TCN1: variants seen among roughly 807,000 people sequenced by gnomAD.
TCN1 encodes the protein transcobalamin-1.
In TCN1, 47 loss-of-function variants were observed where a neutral mutation model predicts 46.3. That is an observed-to-expected ratio of 1.01 (90% CI 0.80 to 1.29). The LOEUF (loss-of-function observed/expected upper bound fraction) is 1.29, where lower values mean the gene tolerates loss of function less well. TCN1 is among the 50% of genes most tolerant of loss of function. The pLI, the probability that TCN1 is intolerant of heterozygous loss-of-function variation, is 0.00. For synonymous variants in TCN1, 183 were observed against 192.5 expected, an observed-to-expected ratio of 0.95 and a Z score of 0.41; for missense variants, 532 against 511.0, an observed-to-expected ratio of 1.04 and a Z score of -0.40.
intron 6 of TCN1, among the ~76,000 whole-genome samples, 189 bp from the exon 7 acceptor site, chr11:59,855,024 C>T (rs151106563): frequency 9.5e-4 from 145 of 152,304 alleles, no homozygotes; most frequent in African/African-American, 3.5e-3. Flanking sequence ...AAGACCCAAA[C>T]TCACCAGCTT....
At chr11:59,859,326 G>T in intron 4 of TCN1, 59 bp from the exon 5 acceptor site, 24 of 1,587,328 alleles carry the variant, frequency 1.5e-5, no homozygotes, top group Non-Finnish European at 2.1e-5. Flanking sequence ...GTCCTGGGCC[G>T]AGAGGTTTCC....
At position 59,862,698 on chromosome 11, in the gene TCN1, A is replaced by G. The variant is rs1249001180; in HGVS notation, c.284T>C (p.Leu95Pro). ...SRLSDVSSGE[L>P]ALIILALGVC... ...TCCCAAAGCCAGTATAATCAAGGCA[A>G]GCTCTCCCGAGCTTACATCTGACAC... is the stretch of plus-strand genomic sequence containing the variant. The change falls in exon 3 of 9, where the codon CTT becomes CCT. Residue 95 changes from leucine (L) to proline (P), a missense_variant. Physicochemically the swap from Leu to Pro is moderately conservative, Grantham distance 98. Transcript: ENST00000257264. The G allele has an allele frequency of 1.9e-6, 3 of 1,613,752 alleles. No homozygotes were observed. The highest frequency in any genetic ancestry group is 2.5e-6 in the Non-Finnish European group (3 of 1,179,826).
rs772525551 is a variant in TCN1 at position 59,854,768 on chromosome 11, G to A, written c.1005C>T (p.Ser335=). 97 of 1,613,868 alleles carry A rather than the reference G, an allele frequency of 6.0e-5. No homozygotes were observed. Among genetic ancestry groups the A allele is most frequent in the Non-Finnish European group, 7.7e-5 (91 of 1,179,926 alleles). The change falls in exon 7 of 9, where the codon TCC becomes TCT. Residue 335 remains serine, a synonymous_variant. Coordinates refer to ENST00000257264, the MANE Select transcript of TCN1 (RefSeq NM_001062.4). The stretch of plus-strand genomic sequence containing the variant: ...CATTGATTCTCACAGAGTAATTGAC[G>A]GAGATATATGATTGTGAGTCAGGAG... The part of the protein sequence containing the change: ...VTPPDSQSYI[S]VNYSVRINET...
chr11:59,853,248 T>C lies in TCN1; in HGVS notation c.1195A>G (p.Arg399Gly). 1 of 1,614,164 alleles carries C rather than the reference T, an allele frequency of 6.2e-7. No homozygotes were observed. Among genetic ancestry groups the C allele is most frequent in the Non-Finnish European group, 8.5e-7 (1 of 1,180,020 alleles). ...IQGLCANNND[R>G]TYWELLSGGE... ...CCACTCAGAAGTTCCCAGTAGGTTC[T>C]GTCATTATTGTTGGCACATAGGCCC... The change falls in exon 8 of 9, where the codon AGA becomes GGA. Residue 399 changes from arginine to glycine, a missense_variant. Transcript: ENST00000257264.
At position 59,861,522 on chromosome 11, in the gene TCN1, C is replaced by T. The variant is rs755195459; in HGVS notation, c.556+5G>A. ...GTACCAAGGGAATTGGGCTTAGTAA[C>T]TCACCTACTGAGAACTGGCTACCAA... On this transcript the variant is annotated splice_donor_5th_base_variant and intron_variant, in intron 4 of 8. Coordinates refer to ENST00000257264, the MANE Select transcript of TCN1 (RefSeq NM_001062.4). The T allele has an allele frequency of 1.9e-6, 3 of 1,613,990 alleles. No homozygotes were observed. The East Asian group carries it at 6.7e-5, about 36-fold the overall frequency.
Position 59,862,740 on chromosome 11 carries a change from C to A in TCN1, c.260-18G>T. 6.2e-7 allele frequency: 1 copy of A among 1,612,640 alleles called. No homozygotes were observed. The highest frequency in any genetic ancestry group is 1.1e-5 in the South Asian group (1 of 91,040). Reference sequence around the variant, plus strand: ...ATCTGACACTGAAAAGAAAAGTATTCAAGCTTAATAAGGTACAGGCTTGTG... The same window carrying A: ...ATCTGACACTGAAAAGAAAAGTATTAAAGCTTAATAAGGTACAGGCTTGTG... On this transcript the variant is annotated intron_variant, in intron 2 of 8. Transcript: ENST00000257264.
rs763985816 is a variant in TCN1, at chr11:59,855,990, C to A, written c.816G>T (p.Val272=). 5.1e-6 allele frequency: 8 copies of A among 1,581,064 alleles called. No homozygotes were observed. The South Asian group carries it at 8.8e-5, about 17-fold the overall frequency. The change falls in exon 6 of 9, where the codon GTG becomes GTT. Residue 272 remains valine, a synonymous_variant. Transcript: ENST00000257264. ...DWNCQQTLNT[V]LTEISQGAFS... Reference sequence around the variant, plus strand: ...ATGCTCCTTGAGAAATTTCCGTGAGCACTGTATTCAGAGTTTGTTGGCAAT... The same window carrying A: ...ATGCTCCTTGAGAAATTTCCGTGAGAACTGTATTCAGAGTTTGTTGGCAAT...
In TCN1 at chr11:59,859,264, G is replaced by C. The variant is rs1240691380; in HGVS notation, c.560C>G (p.Thr187Ser). 2 of 1,613,386 alleles carry C rather than the reference G, an allele frequency of 1.2e-6. No individual in the cohort carries two copies. Among genetic ancestry groups the C allele is most frequent in the South Asian group, 1.1e-5 (1 of 91,084 alleles). The change falls in exon 5 of 9, where the codon ACT (threonine) becomes AGT (serine). Residue 187 changes from threonine to serine, a missense_variant. Thr to Ser is a moderately conservative substitution (Grantham distance 58). Coordinates refer to ENST00000257264, the MANE Select transcript of TCN1 (RefSeq NM_001062.4). ...YYFGSQFSVD[T>S]GAMAVLALTC... ...CAGAGCCAGGACAGCCATTGCACCA[G>C]TATCTGTCAGGAAACAAAACATTGT...
chr11:59,858,636 C>G (rs1488846671), intron 5 of TCN1, among the ~76,000 whole-genome samples: 1 of 152,092 alleles, frequency 6.6e-6, no homozygotes, highest in Non-Finnish European at 1.5e-5. Flanking sequence ...ATAGGAACCG[C>G]AGAATGTATA....
Position 59,862,645 on chromosome 11 carries a change from T to C in TCN1, c.337A>G (p.Ile113Val), listed in dbSNP as rs199557500. The change falls in exon 3 of 9, where the codon ATA becomes GTA. Residue 113 changes from isoleucine to valine, a missense_variant. Physicochemically the swap from Ile to Val is conservative, Grantham distance 29. Transcript: ENST00000257264. ...GVCRNAEENL[I>V]YDYHLIDKLE... is the part of the protein sequence containing the mutation. ...TTGTCGATCAGGTGGTAATCATATA[T>C]TAAGTTTTCCTCAGCGTTACGACAT... The C allele has an allele frequency of 3.5e-4, 559 of 1,613,672 alleles. 1 individual carries two copies. Among genetic ancestry groups the C allele is most frequent in the Non-Finnish European group, 4.6e-4 (543 of 1,179,846 alleles).
chr11:59,854,436 T>A, intron 7 of TCN1, among the ~76,000 whole-genome samples: 1 of 146,712 alleles, frequency 6.8e-6, no homozygotes, highest in East Asian at 1.9e-4. Flanking sequence ...GATTCATTAA[T>A]TTATTTAGCG....
chr11:59,862,445 A>G (rs1853025207), intron 3 of TCN1, 137 bp downstream of exon 3: 1 of 1,075,854 alleles, frequency 9.3e-7, no homozygotes, highest in Non-Finnish European at 1.4e-6. Context: ...TGAAAGAGAA[A>G]AAGGGAAGTG....
intron 5 of TCN1, among the ~76,000 whole-genome samples, chr11:59,856,549 G>A (rs1590865442): frequency 1.3e-5 from 2 of 151,872 alleles, no homozygotes; most frequent in Non-Finnish European, 2.9e-5. Context: ...GCCTTGGAGA[G>A]TAGGATAGAG....
intron 1 of TCN1, 107 bp downstream of exon 1, chr11:59,866,285 C>T (rs553406779): frequency 1.1e-5 from 13 of 1,191,378 alleles, no homozygotes; most frequent in South Asian, 2.5e-5. Context: ...CAACCACATA[C>T]GAAACTGGAA....
intron 3 of TCN1, 64 bp downstream of exon 3, chr11:59,862,518 A>G: frequency 3.8e-6 from 6 of 1,581,248 alleles, no homozygotes; most frequent in East Asian, 2.2e-5. Context: ...GAAACTTCAT[A>G]TAGTTTTGAA....
chr11:59,856,704 A>G (rs997909316), intron 5 of TCN1, among the ~76,000 whole-genome samples: 12 of 152,160 alleles, frequency 7.9e-5, no homozygotes, highest in Non-Finnish European at 1.8e-4. Flanking sequence ...GGAACATTGG[A>G]GGCAACTGTG....
Position 59,863,911 on chromosome 11 carries a change from G to T in TCN1, c.255C>A (p.Ser85Arg). Residue 85 changes from serine to arginine, a missense_variant, in exon 2 of 9, where the codon AGC becomes AGA. Physicochemically the swap from Ser to Arg is moderately radical, Grantham distance 110. Transcript: ENST00000257264. ...MIQQIKYNVK[S>R]RLSDVSSGEL... ...CCAGAATATACAGCAACTTACATCT[G>T]CTTTTCACATTGTATTTGATTTGTT... 6.2e-7 allele frequency: 1 copy of T among 1,613,698 alleles called. No homozygotes were observed. The highest frequency in any genetic ancestry group is 1.7e-5 in the Admixed American group (1 of 60,000).
rs1202976454 is a variant in TCN1, at chr11:59,854,763, T to C, written c.1010A>G (p.Asn337Ser). ...TGTTTCATTGATTCTCACAGAGTAA[T>C]TGACGGAGATATATGATTGTGAGTC... ...PPDSQSYISV[N>S]YSVRINETYF... The change falls in exon 7 of 9, where the codon AAT (asparagine) becomes AGT (serine). Residue 337 changes from asparagine (N) to serine (S), a missense_variant. Transcript: ENST00000257264. 3 of 1,614,058 alleles carry C rather than the reference T, an allele frequency of 1.9e-6. No homozygotes were observed. Among genetic ancestry groups the C allele is most frequent in the Non-Finnish European group, 2.5e-6 (3 of 1,179,936 alleles).
At position 59,859,077 on chromosome 11, in the gene TCN1, C is replaced by G. The variant is rs776278685; in HGVS notation, c.747G>C (p.Gln249His). The change falls in exon 5 of 9, where the codon CAG (glutamine) becomes CAC (histidine). Residue 249 changes from glutamine (Q) to histidine (H), a missense_variant and splice_region_variant. Transcript: ENST00000257264. Reference protein sequence around the residue: ...GNTFSTGEAMQALFVSSDYYN... With the variant: ...GNTFSTGEAMHALFVSSDYYN... ...CCTCCTGTTTCACCCTCTGACTTAC[C>G]TGCATGGCTTCTCCTGTGCTAAATG... 3 of 1,612,150 alleles carry G rather than the reference C, an allele frequency of 1.9e-6. No homozygotes were observed. The highest frequency in any genetic ancestry group is 1.1e-5 in the South Asian group (1 of 91,058).
Sources: gnomAD v4.1 joint callset for allele counts (sites outside exome capture counted in the v4.1 genomes callset) on GRCh38, gnomAD v4.1.1 for gene constraint, MANE v1.5 for transcripts, NCBI Gene and HGNC (gene_info 2026-07-23, HGNC 2026-07-21) for gene names.